PPARGC1A: variants seen among roughly 807,000 people sequenced by gnomAD.
PPARGC1A encodes the protein PPARG coactivator 1 alpha.
Under a neutral mutation model 88.7 loss-of-function variants are expected in PPARGC1A, and 25 were observed. That is an observed-to-expected ratio of 0.28 (90% CI 0.21 to 0.39). The LOEUF (loss-of-function observed/expected upper bound fraction) is 0.39, where lower values mean the gene tolerates loss of function less well. Among genes scored for constraint, PPARGC1A ranks in the 10% least tolerant of loss-of-function variants. The pLI, the probability that PPARGC1A is intolerant of heterozygous loss-of-function variation, is 1.00. For synonymous variants in PPARGC1A, 363 were observed against 355.6 expected, an observed-to-expected ratio of 1.02 and a Z score of -0.24; for missense variants, 880 against 968.7, an observed-to-expected ratio of 0.91 and a Z score of 1.22.
At chr4:24,418,819 A>G in the PPARGC1A span, among the ~76,000 whole-genome samples, 1 of 152,252 alleles carries the variant, frequency 6.6e-6, no homozygotes, top group Non-Finnish European at 1.5e-5. Flanking sequence ...GTCACTTAAC[A>G]GCAAATTTAA....
At chr4:23,878,335 G>A (rs1715220711) in intron 2 of PPARGC1A, among the ~76,000 whole-genome samples, 1 of 141,272 alleles carries the variant, frequency 7.1e-6, no homozygotes, top group Admixed American at 7.2e-5. Context: ...GCTAAGAACC[G>A]AATCAACGTC....
At chr4:23,810,924 A>T (rs1245020331) in intron 10 of PPARGC1A, among the ~76,000 whole-genome samples, 1 of 152,212 alleles carries the variant, frequency 6.6e-6, no homozygotes, top group Non-Finnish European at 1.5e-5. Context: ...AATTAAATAC[A>T]GTGATATTAG....
chr4:24,305,186 T>C, the PPARGC1A span, among the ~76,000 whole-genome samples: 1 of 149,920 alleles, frequency 6.7e-6, no homozygotes, highest in South Asian at 2.1e-4. Flanking sequence ...TGTGTATATT[T>C]ATATACTCCC....
chr4:23,825,590 A>G (rs181619676), intron 5 of PPARGC1A, among the ~76,000 whole-genome samples: 119 of 152,258 alleles, frequency 7.8e-4, no homozygotes, highest in African/African-American at 2.6e-3. Context: ...TCCTATTGTC[A>G]AAAGAAATTG....
At chr4:24,393,795 G>GT in the PPARGC1A span, among the ~76,000 whole-genome samples, 1 of 152,158 alleles carries the variant, frequency 6.6e-6, no homozygotes, top group East Asian at 1.9e-4. Flanking sequence ...TACTGAAATA[G>GT]TTTTTTTAAA....
chr4:24,363,903 C>T, the PPARGC1A span, among the ~76,000 whole-genome samples: 1 of 152,118 alleles, frequency 6.6e-6, no homozygotes, highest in African/African-American at 2.4e-5. Context: ...TTATGAGTAC[C>T]TAGTTTTTAA....
At chr4:23,952,960 T>G in the PPARGC1A span, among the ~76,000 whole-genome samples, 1 of 152,098 alleles carries the variant, frequency 6.6e-6, no homozygotes, top group Non-Finnish European at 1.5e-5. Flanking sequence ...ATGCATTACA[T>G]GAATGCATTA....
At chr4:24,327,214 C>A in the PPARGC1A span, among the ~76,000 whole-genome samples, 1 of 152,174 alleles carries the variant, frequency 6.6e-6, no homozygotes, top group Non-Finnish European at 1.5e-5. Flanking sequence ...TTTTATTAGG[C>A]CCCAGTCTCA....
chr4:24,327,970 T>C, the PPARGC1A span, among the ~76,000 whole-genome samples: 3 of 152,104 alleles, frequency 2.0e-5, no homozygotes, highest in Admixed American at 1.3e-4. Flanking sequence ...ATGAATTTCC[T>C]TCTCCTGGCT....
At chr4:23,806,485 T>A (rs1478981131) in intron 10 of PPARGC1A, among the ~76,000 whole-genome samples, 1 of 152,198 alleles carries the variant, frequency 6.6e-6, no homozygotes, top group Non-Finnish European at 1.5e-5. Flanking sequence ...CATTTTCAAC[T>A]TCTTAAAGGC....
At chr4:24,241,959 G>A in the PPARGC1A span, among the ~76,000 whole-genome samples, 2 of 152,222 alleles carry the variant, frequency 1.3e-5, no homozygotes, top group South Asian at 2.1e-4. Context: ...ACAGATTCAT[G>A]TTAACATTAG....
chr4:24,162,465 G>A, the PPARGC1A span, among the ~76,000 whole-genome samples: 1 of 152,166 alleles, frequency 6.6e-6, no homozygotes, highest in Admixed American at 6.5e-5. Context: ...TTGGACAAGT[G>A]AGCCAAGCTT....
chr4:24,428,641 C>G, the PPARGC1A span, among the ~76,000 whole-genome samples: 2 of 152,098 alleles, frequency 1.3e-5, no homozygotes, highest in Non-Finnish European at 2.9e-5. Flanking sequence ...TAAAGGACAC[C>G]CTTTGACAGT....
At chr4:24,346,819 T>A in the PPARGC1A span, among the ~76,000 whole-genome samples, 1 of 152,084 alleles carries the variant, frequency 6.6e-6, no homozygotes, top group Non-Finnish European at 1.5e-5. Context: ...TGGGTTTGGG[T>A]TTGGTTTGTT....
chr4:23,930,689 T>C, the PPARGC1A span, among the ~76,000 whole-genome samples: 3 of 152,130 alleles, frequency 2.0e-5, no homozygotes, highest in African/African-American at 7.2e-5. Flanking sequence ...CAATGTACTT[T>C]TTTGTTTCTT....
At chr4:24,457,283 A>G in the PPARGC1A span, among the ~76,000 whole-genome samples, 1 of 152,160 alleles carries the variant, frequency 6.6e-6, no homozygotes, top group Non-Finnish European at 1.5e-5. Context: ...CCGGGGTCCA[A>G]AGACGTTGTT....
At chr4:24,275,988 A>G in the PPARGC1A span, among the ~76,000 whole-genome samples, 1 of 152,222 alleles carries the variant, frequency 6.6e-6, no homozygotes, top group Non-Finnish European at 1.5e-5. Flanking sequence ...GGAAAACATG[A>G]CATTTGACAT....
chr4:24,230,351 T>C, the PPARGC1A span, among the ~76,000 whole-genome samples: 2 of 152,170 alleles, frequency 1.3e-5, no homozygotes, highest in Admixed American at 1.3e-4. Flanking sequence ...AGATTTTCCT[T>C]CTGAGGAAGG....
the PPARGC1A span, among the ~76,000 whole-genome samples, chr4:24,339,265 C>CACAT: frequency 6.7e-6 from 1 of 148,800 alleles, no homozygotes; most frequent in Non-Finnish European, 1.5e-5. Flanking sequence ...CACACACACA[C>CACAT]ATCAGAATTC....
Sources: allele counts gnomAD v4.1 joint callset (sites outside exome capture counted in the v4.1 genomes callset), GRCh38; gene constraint gnomAD v4.1.1; transcripts MANE v1.5; gene names NCBI Gene and HGNC (gene_info 2026-07-23, HGNC 2026-07-21).